DAGLB: variants seen among roughly 807,000 people sequenced by gnomAD.
DAGLB encodes diacylglycerol lipase-beta.
In DAGLB, 66 loss-of-function variants were observed where a neutral mutation model predicts 72.1. That is an observed-to-expected ratio of 0.92 (90% CI 0.75 to 1.12). DAGLB has a LOEUF of 1.12. Ranked by LOEUF, DAGLB falls within the 50% of genes most tolerant of loss-of-function variation. DAGLB has a pLI of 0.00. For missense variants in DAGLB, 1,065 were observed against 884.9 expected (o/e 1.20, Z -2.58); for synonymous variants, 414 against 359.5 (o/e 1.15, Z -1.71).
chr7:6,428,269 C>G (rs1264585476), intron 6 of DAGLB, among the ~76,000 whole-genome samples: 4 of 134,100 alleles, frequency 3.0e-5, no homozygotes, highest in African/African-American at 1.1e-4. Flanking sequence ...TCACTTGAAC[C>G]TGGGAGATGG....
At chr7:6,435,313 C>G in intron 3 of DAGLB, 1 of 321,292 alleles carries the variant, frequency 3.1e-6, no homozygotes, top group Non-Finnish European at 6.0e-6. Flanking sequence ...TAGTGAAACC[C>G]CGTCTCTACT....
intron 4 of DAGLB, among the ~76,000 whole-genome samples, chr7:6,433,223 A>G (rs865984566): frequency 6.6e-6 from 1 of 152,188 alleles, no homozygotes; most frequent in African/African-American, 2.4e-5. Context: ...ATGTGACTCA[A>G]CTATTTTTAA....
intron 13 of DAGLB, chr7:6,412,488 C>A: frequency 7.3e-6 from 2 of 272,532 alleles, no homozygotes; most frequent in Non-Finnish European, 1.4e-5. Context: ...AGAATAGAGA[C>A]AGGGTCTTGT....
At chr7:6,425,305 T>A (rs1257137489) in intron 7 of DAGLB, among the ~76,000 whole-genome samples, 3 of 151,932 alleles carry the variant, frequency 2.0e-5, no homozygotes, top group African/African-American at 7.3e-5. Flanking sequence ...GGCATCTTGC[T>A]CTGTCACCTA....
chr7:6,433,405 G>A (rs186339817), intron 4 of DAGLB, among the ~76,000 whole-genome samples: 2 of 152,266 alleles, frequency 1.3e-5, no homozygotes, highest in Admixed American at 1.3e-4. Flanking sequence ...TACTCACAGG[G>A]TATGGCAAGC....
rs74672824 is a variant in DAGLB, at chr7:6,409,640, C to T, written c.*197G>A. On this transcript the variant is annotated 3_prime_UTR_variant, in exon 15 of 15. Transcript: ENST00000297056. ...AGTCGTCCTATCACCTGAGCGTGCTCACTACTTCTGCTACCATTATGGCCA... is the reference window on the plus strand; with the variant it reads ...AGTCGTCCTATCACCTGAGCGTGCTTACTACTTCTGCTACCATTATGGCCA... 4,006 of 683,292 alleles carry T rather than the reference C, an allele frequency of 5.9e-3. 119 individuals carry two copies. The African/African-American group carries it at 0.065, about 11-fold the overall frequency. 42.3% of individuals were successfully genotyped at this position (683,292 alleles called of 1,614,324 possible).
chr7:6,431,898 G>A (rs949082675), intron 5 of DAGLB, among the ~76,000 whole-genome samples: 1 of 152,170 alleles, frequency 6.6e-6, no homozygotes, highest in East Asian at 1.9e-4. Context: ...AGTGGAAGCC[G>A]CCAATCAGAT....
intron 9 of DAGLB, 41 bp from the exon 10 acceptor site, chr7:6,416,962 C>T (rs1783938724): frequency 1.2e-6 from 2 of 1,607,532 alleles, no homozygotes; most frequent in South Asian, 1.1e-5. Context: ...AATCCTCAGA[C>T]AAGGCAGGCC....
intron 2 of DAGLB, among the ~76,000 whole-genome samples, chr7:6,445,330 T>C (rs921962152): frequency 6.6e-6 from 1 of 152,186 alleles, no homozygotes; most frequent in Non-Finnish European, 1.5e-5. Context: ...AAAACATCGA[T>C]GAATCTTGAA....
At chr7:6,443,910 A>G (rs1784914517) in intron 2 of DAGLB, among the ~76,000 whole-genome samples, 1 of 152,200 alleles carries the variant, frequency 6.6e-6, no homozygotes, top group Non-Finnish European at 1.5e-5. Flanking sequence ...GGTTTCCAAC[A>G]CTTCTGGAGA....
intron 4 of DAGLB, 93 bp from the exon 5 acceptor site, chr7:6,433,052 C>T: frequency 6.7e-7 from 1 of 1,500,622 alleles, no homozygotes; most frequent in Non-Finnish European, 8.8e-7. Context: ...GATAGGCATT[C>T]ACGCACACAC....
chr7:6,415,728 C>T (rs568877788), intron 11 of DAGLB, among the ~76,000 whole-genome samples: 1 of 151,534 alleles, frequency 6.6e-6, no homozygotes, highest in African/African-American at 2.4e-5. Context: ...GCCTGTAGTC[C>T]CAGCTACTCG....
chr7:6,443,253 A>T (rs1784892785), intron 2 of DAGLB, among the ~76,000 whole-genome samples: 1 of 81,296 alleles, frequency 1.2e-5, no homozygotes, highest in African/African-American at 1.2e-4. Context: ...CTCTACTAAA[A>T]AAAAAAAAAA....
chr7:6,438,533 C>G (rs947338330), intron 2 of DAGLB, among the ~76,000 whole-genome samples: 3 of 151,210 alleles, frequency 2.0e-5, no homozygotes, highest in Non-Finnish European at 4.4e-5. Context: ...CTTGTTATAA[C>G]AATAGCCAAA....
At chr7:6,419,568 A>C (rs1227934468) in intron 9 of DAGLB, among the ~76,000 whole-genome samples, 1 of 152,212 alleles carries the variant, frequency 6.6e-6, no homozygotes, top group East Asian at 1.9e-4. Context: ...GCACAAATGA[A>C]GCCAAGAGGA....
chr7:6,447,303 T>C (rs552107184), intron 1 of DAGLB, among the ~76,000 whole-genome samples: 204 of 152,314 alleles, frequency 1.3e-3, no homozygotes, highest in African/African-American at 4.7e-3. Context: ...ACCGGCTCGG[T>C]ATTTTTTCCT....
At chr7:6,430,717 G>A (rs1056035399) in intron 5 of DAGLB, 110 bp from the exon 6 acceptor site, 7 of 1,229,378 alleles carry the variant, frequency 5.7e-6, no homozygotes, top group South Asian at 5.0e-5. Context: ...CTGCTCCTTC[G>A]TTGAATAGAA....
At chr7:6,440,863 C>T (rs1784807147) in intron 2 of DAGLB, among the ~76,000 whole-genome samples, 1 of 152,054 alleles carries the variant, frequency 6.6e-6, no homozygotes, top group Non-Finnish European at 1.5e-5. Flanking sequence ...AGCAAAATTC[C>T]ATCTCAAAAT....
intron 7 of DAGLB, among the ~76,000 whole-genome samples, chr7:6,425,226 GGA>G (rs1303799158): frequency 1.3e-5 from 2 of 152,226 alleles, no homozygotes; most frequent in Admixed American, 6.5e-5. Context: ...AGAATCACCT[GGA>G]GAGACAGCGA....
Sources: allele counts gnomAD v4.1 joint callset (sites outside exome capture counted in the v4.1 genomes callset), GRCh38; gene constraint gnomAD v4.1.1; transcripts MANE v1.5; gene names NCBI Gene and HGNC (gene_info 2026-07-23, HGNC 2026-07-21).